GOT2: variants seen among roughly 807,000 people sequenced by gnomAD.
The protein encoded by GOT2 is glutamic-oxaloacetic transaminase 2.
In GOT2, 17 loss-of-function variants were observed where a neutral mutation model predicts 50.0. The ratio of observed to expected loss-of-function variants is 0.34; its 90% CI spans 0.23 to 0.51. The LOEUF (loss-of-function observed/expected upper bound fraction) is 0.51. Among genes scored for constraint, GOT2 ranks in the 20% least tolerant of loss-of-function variants. The pLI, the probability that GOT2 is intolerant of heterozygous loss-of-function variation, is 0.97. For synonymous variants in GOT2, 172 were observed against 204.9 expected, an observed-to-expected ratio of 0.84 and a Z score of 1.37; for missense variants, 430 against 559.6, an observed-to-expected ratio of 0.77 and a Z score of 2.34.
At chr16:58,727,667 G>A (rs1247396661) in intron 1 of GOT2, among the ~76,000 whole-genome samples, 2 of 152,150 alleles carry the variant, frequency 1.3e-5, no homozygotes, top group Non-Finnish European at 2.9e-5. Context: ...GGAGCCCTGA[G>A]CAGAGGACGT....
intron 2 of GOT2, 41 bp downstream of exon 2, chr16:58,723,705 T>C (rs769012453): frequency 6.4e-7 from 1 of 1,553,954 alleles, no homozygotes; most frequent in Non-Finnish European, 8.9e-7. Context: ...CTCTCTTCAG[T>C]TTATTCATCC....
Position 58,718,556 on chromosome 16 carries a change from CA to C in GOT2, c.567del (p.Phe189LeufsTer41). On this transcript the variant is annotated frameshift_variant, in exon 5 of 10. Coordinates refer to ENST00000245206, the MANE Select transcript of GOT2 (RefSeq NM_002080.4). LOFTEE classifies it high-confidence loss of function. The stretch of plus-strand genomic sequence containing the variant: ...ATATCCTCCACAGCGCCTGTGAAGT[CA>C]AAACCGCAAGTCTTGGGGTCATAAT... ...YRYYDPKTCG[F>X]DFTGAVEDIS... is the part of the protein sequence containing the mutation. 1 of 1,592,928 alleles carries C rather than the reference CA, an allele frequency of 6.3e-7. No homozygotes were observed. The highest frequency in any genetic ancestry group is 1.4e-5 in the African/African-American group (1 of 73,980).
At chr16:58,717,241 T>C (rs2044701722) in intron 6 of GOT2, among the ~76,000 whole-genome samples, 1 of 152,090 alleles carries the variant, frequency 6.6e-6, no homozygotes, top group Admixed American at 6.6e-5. Context: ...CAGGCAGGTG[T>C]GGCACACATG....
Position 58,707,982 on chromosome 16 carries a change from A to G in GOT2, c.*189T>C. Reference sequence around the variant, plus strand: ...TGGTTTAATATTCCAGACGCCAGCCATGGATGCCTCTGCCCTGTGTCACTA... The same window carrying G: ...TGGTTTAATATTCCAGACGCCAGCCGTGGATGCCTCTGCCCTGTGTCACTA... On this transcript the variant is annotated 3_prime_UTR_variant, in exon 10 of 10. Coordinates refer to ENST00000245206, the MANE Select transcript of GOT2 (RefSeq NM_002080.4). 1 of 434,160 alleles carries G rather than the reference A, an allele frequency of 2.3e-6. No homozygotes were observed. Among genetic ancestry groups the G allele is most frequent in the Non-Finnish European group, 3.9e-6 (1 of 255,178 alleles). The allele number at this position is 434,160 out of a possible 1,614,324, so 26.9% of individuals were successfully genotyped here.
At chr16:58,723,667 C>T in intron 2 of GOT2, 79 bp downstream of exon 2, 1 of 1,194,550 alleles carries the variant, frequency 8.4e-7, no homozygotes, top group Non-Finnish European at 1.2e-6. Flanking sequence ...GATTCCCGGT[C>T]CAGCACTATT....
In GOT2 at chr16:58,731,382, A is replaced by G. The variant is rs140179512; in HGVS notation, c.89+2758T>C. 1.4e-3 allele frequency among the ~76,000 whole-genome samples: 209 copies of G among 152,148 alleles called. 1 individual carries two copies. Among genetic ancestry groups the G allele is most frequent in the African/African-American group, 4.7e-3 (197 of 41,522 alleles). ...TGGTCTAGAACTCCCGAGCTCAAGCAATCCACCTGCCTCAGCCTCCCAAAG... is the reference window on the plus strand; with the variant it reads ...TGGTCTAGAACTCCCGAGCTCAAGCGATCCACCTGCCTCAGCCTCCCAAAG... On this transcript the variant is annotated intron_variant, in intron 1 of 9. Coordinates refer to ENST00000245206, the MANE Select transcript of GOT2 (RefSeq NM_002080.4).
At chr16:58,722,957 G>C (rs2044753490) in intron 2 of GOT2, among the ~76,000 whole-genome samples, 1 of 152,162 alleles carries the variant, frequency 6.6e-6, no homozygotes, top group South Asian at 2.1e-4. Context: ...GCCAGTCTAA[G>C]AACTTCGAAG....
chr16:58,721,781 A>ATTT, intron 3 of GOT2: 1 of 140,380 alleles, frequency 7.1e-6, no homozygotes, highest in South Asian at 2.3e-4. Flanking sequence ...TATTTCTTAA[A>ATTT]TTTTTTTTTT....
At chr16:58,719,841 C>G (rs1050847501) in intron 3 of GOT2, among the ~76,000 whole-genome samples, 7 of 152,158 alleles carry the variant, frequency 4.6e-5, no homozygotes, top group African/African-American at 1.2e-4. Context: ...AGTAGAATGA[C>G]TCTCTAAACA....
intron 1 of GOT2, among the ~76,000 whole-genome samples, chr16:58,732,073 A>G (rs150668017): frequency 1.9e-4 from 29 of 152,338 alleles, no homozygotes; most frequent in African/African-American, 6.5e-4. Flanking sequence ...TGCTTAGCCT[A>G]TAATCCCAGC....
chr16:58,734,175 G>A lies in GOT2; in HGVS notation c.54C>T (p.His18=). Residue 18 remains histidine, a synonymous_variant, in exon 1 of 10, where the codon CAC becomes CAT. Transcript: ENST00000245206. ...CAGAGGCCGCGGCGGCGAGGCCCGG[G>A]TGGAAGGCGGCGGCGATCCCGGGGA... The part of the protein sequence containing the change: ...RVLPGIAAAF[H]PGLAAAASAR... 1.5e-6 allele frequency: 2 copies of A among 1,334,776 alleles called. No homozygotes were observed. The highest frequency in any genetic ancestry group is 9.6e-7 in the Non-Finnish European group (1 of 1,037,158). 82.7% of individuals were successfully genotyped at this position (1,334,776 alleles called of 1,614,324 possible).
chr16:58,719,533 G>A (rs1479760994), intron 3 of GOT2, among the ~76,000 whole-genome samples: 1 of 152,182 alleles, frequency 6.6e-6, no homozygotes, highest in Non-Finnish European at 1.5e-5. Context: ...CAAGGCGGGT[G>A]GATCACCTGA....
Position 58,719,229 on chromosome 16 carries a change from T to A in GOT2, c.402A>T (p.Gly134=). 4 of 1,613,352 alleles carry A rather than the reference T, an allele frequency of 2.5e-6. No homozygotes were observed. The highest frequency in any genetic ancestry group is 3.4e-6 in the Non-Finnish European group (4 of 1,179,398). Residue 134 remains glycine, a synonymous_variant, in exon 4 of 10, where the codon GGA becomes GGT. Transcript: ENST00000245206. The stretch of plus-strand genomic sequence containing the variant: ...TGGCTCCGATCCTTAAGGCTCCAGT[T>A]CCAGAAATGGTCTGCACAGTGACAA... The part of the protein sequence containing the change: ...GRFVTVQTIS[G]TGALRIGASF...
chr16:58,726,398 C>A (rs1212809778), intron 1 of GOT2, among the ~76,000 whole-genome samples: 1 of 152,106 alleles, frequency 6.6e-6, no homozygotes, highest in Non-Finnish European at 1.5e-5. Context: ...GTTGGCCAGG[C>A]TGGTCTTGAA....
Position 58,716,867 on chromosome 16 carries a change from A to T in GOT2, c.703-54T>A, listed in dbSNP as rs933964606. 3.2e-6 allele frequency: 5 copies of T among 1,543,980 alleles called. No homozygotes were observed. The African/African-American group carries it at 5.5e-5, about 17-fold the overall frequency. On this transcript the variant is annotated intron_variant, in intron 6 of 9. Transcript: ENST00000245206. ...AGCAGTCTTTCTGAAGAGGCCCCAG[A>T]TGTTTATAAAAGTCTGAAAGATGTT...
At chr16:58,724,018 A>G (rs2044762573) in intron 1 of GOT2, 116 bp from the exon 2 acceptor site, 9 of 862,328 alleles carry the variant, frequency 1.0e-5, no homozygotes, top group Non-Finnish European at 1.6e-5. Context: ...CAGTGGTGCT[A>G]TCTTGGCTCA....
intron 8 of GOT2, among the ~76,000 whole-genome samples, chr16:58,710,825 G>A (rs536558320): frequency 2.6e-5 from 4 of 151,142 alleles, no homozygotes; most frequent in East Asian, 3.9e-4. Flanking sequence ...AAAATTAGCC[G>A]GGCGTGGCAG....
chr16:58,708,068 G>A lies in GOT2; in HGVS notation c.*103C>T. 1 of 1,120,184 alleles carries A rather than the reference G, an allele frequency of 8.9e-7. No homozygotes were observed. The highest frequency in any genetic ancestry group is 1.3e-6 in the Non-Finnish European group (1 of 774,678). The allele number at this position is 1,120,184 out of a possible 1,614,324, so 69.4% of individuals were successfully genotyped here. A position where few individuals can be genotyped will look rare whatever the true frequency, so the allele number is the denominator to read the frequency against. ...GTTACACACTGTGGCTGAAAGAAAT[G>A]ATCCACTCACCACCATCCACCCTCT... On this transcript the variant is annotated 3_prime_UTR_variant, in exon 10 of 10. Transcript: ENST00000245206.
At chr16:58,727,206 G>A (rs1377233978) in intron 1 of GOT2, among the ~76,000 whole-genome samples, 1 of 152,106 alleles carries the variant, frequency 6.6e-6, no homozygotes, top group Non-Finnish European at 1.5e-5. Context: ...AGGCTGAAGT[G>A]CAGCCTTGAC....
Sources: allele counts gnomAD v4.1 joint callset (sites outside exome capture counted in the v4.1 genomes callset), GRCh38; gene constraint gnomAD v4.1.1; transcripts MANE v1.5; gene names NCBI Gene and HGNC (gene_info 2026-07-23, HGNC 2026-07-21).